MSI2: variants seen among roughly 807,000 people sequenced by gnomAD.
MSI2 encodes the protein RNA-binding protein Musashi homolog 2.
In MSI2, 17 loss-of-function variants were observed where a neutral mutation model predicts 45.6. The ratio of observed to expected loss-of-function variants is 0.37; its 90% CI spans 0.26 to 0.56. MSI2 has a LOEUF of 0.56. MSI2 is among the 20% of genes least tolerant of loss of function. The pLI, the probability that MSI2 is intolerant of heterozygous loss-of-function variation, is 0.77. For missense variants in MSI2, 293 were observed against 444.2 expected, an observed-to-expected ratio of 0.66 and a Z score of 3.06; for synonymous variants, 156 against 158.2, an observed-to-expected ratio of 0.99 and a Z score of 0.11.
At chr17:57,445,704 G>A (rs2084886748) in intron 6 of MSI2, among the ~76,000 whole-genome samples, 1 of 152,046 alleles carries the variant, frequency 6.6e-6, no homozygotes, top group Admixed American at 6.5e-5. Flanking sequence ...TTTAAGGAGG[G>A]GGCAGCATAT....
At chr17:57,622,562 C>T (rs991664905) in intron 9 of MSI2, among the ~76,000 whole-genome samples, 11 of 152,114 alleles carry the variant, frequency 7.2e-5, no homozygotes, top group African/African-American at 2.4e-4. Flanking sequence ...AGCACGTTAG[C>T]CAAAAGCATT....
intron 5 of MSI2, among the ~76,000 whole-genome samples, chr17:57,378,000 G>A (rs1201307353): frequency 6.6e-6 from 1 of 151,786 alleles, no homozygotes; most frequent in East Asian, 1.9e-4. Context: ...GCGTGAACCT[G>A]GGAGGCAGAG....
chr17:57,309,037 C>T (rs991891256), intron 5 of MSI2, among the ~76,000 whole-genome samples: 5 of 152,184 alleles, frequency 3.3e-5, no homozygotes, highest in Non-Finnish European at 7.3e-5. Flanking sequence ...ATATCACCTC[C>T]TCAGCTATTA....
chr17:57,257,422 A>G, intron 2 of MSI2, 44 bp from the exon 3 acceptor site: 1 of 1,050,208 alleles, frequency 9.5e-7, no homozygotes, highest in Non-Finnish European at 1.4e-6. Context: ...TTTTTTTTCC[A>G]CACCTTCTCT....
chr17:57,691,200 C>CTCATCTATCTATCTATCT, the MSI2 span, among the ~76,000 whole-genome samples: 14 of 140,204 alleles, frequency 1.0e-4, no homozygotes, highest in South Asian at 5.2e-4. Context: ...CTCTCTCTCT[C>CTCATCTATCTATCTATCT]ATCTATCTAT....
In MSI2 at chr17:57,623,569, C is replaced by A. The variant is rs114642163; in HGVS notation, c.653-3660C>A. Among the ~76,000 whole-genome samples, 617 of 152,308 alleles carry A rather than the reference C, an allele frequency of 4.1e-3. 2 individuals are homozygous for A. Among genetic ancestry groups the A allele is most frequent in the African/African-American group, 0.014 (586 of 41,566 alleles). On this transcript the variant is annotated intron_variant, in intron 9 of 13. Coordinates refer to ENST00000284073, the MANE Select transcript of MSI2 (RefSeq NM_138962.4). The stretch of plus-strand genomic sequence containing the variant: ...AGCCGATCTGCAAGAGAGGTGGTCA[C>A]CCTGGCAGAAGCCTTGATTTTTTTT...
intron 5 of MSI2, among the ~76,000 whole-genome samples, chr17:57,293,247 G>A (rs374648776): frequency 2.6e-5 from 4 of 152,140 alleles, no homozygotes; most frequent in Non-Finnish European, 5.9e-5. Flanking sequence ...GAGACTCAGG[G>A]CCCTACTGTT....
At chr17:57,318,041 C>T (rs372036866) in intron 5 of MSI2, among the ~76,000 whole-genome samples, 353 of 152,214 alleles carry the variant, frequency 2.3e-3, no homozygotes, top group African/African-American at 8.2e-3. Flanking sequence ...CCCAGCTACT[C>T]GGGAGGCCGA....
In MSI2 at chr17:57,627,646, T is replaced by C. The variant is rs1366801336; in HGVS notation, c.727+343T>C. 5.6e-6 allele frequency: 2 copies of C among 354,910 alleles called. No homozygotes were observed. 22.0% of individuals were successfully genotyped at this position (354,910 alleles called of 1,614,324 possible). On this transcript the variant is annotated intron_variant, in intron 10 of 13. Transcript: ENST00000284073. This position sits in a 1 kb window ranked among gnomAD's most constrained non-coding sequence, Gnocchi z 4.6. ...TGAACTCTAGGCCCAGGGCTTTCTT[T>C]CACCCTCTACCACCCCTTGCCCGCC... is the stretch of plus-strand genomic sequence containing the variant.
intron 7 of MSI2, among the ~76,000 whole-genome samples, chr17:57,574,655 A>G (rs934373699): frequency 3.5e-4 from 53 of 152,252 alleles, no homozygotes; most frequent in African/African-American, 1.3e-3. Context: ...GCGCAGCAGT[A>G]GGTGACCCTT....
chr17:57,338,871 T>A (rs1914899530), intron 5 of MSI2, among the ~76,000 whole-genome samples: 1 of 152,152 alleles, frequency 6.6e-6, no homozygotes, highest in South Asian at 2.1e-4. Flanking sequence ...TGAGTTCCCC[T>A]TTGTCTTCCT....
intron 5 of MSI2, among the ~76,000 whole-genome samples, chr17:57,366,056 G>A (rs1000305328): frequency 1.3e-5 from 2 of 152,072 alleles, no homozygotes; most frequent in African/African-American, 2.4e-5. Context: ...TGGGACCACC[G>A]TTGTGTACCA....
chr17:57,403,933 G>GCACACACA (rs58718271), intron 6 of MSI2, among the ~76,000 whole-genome samples: 16 of 149,082 alleles, frequency 1.1e-4, no homozygotes, highest in African/African-American at 2.9e-4. Flanking sequence ...GAATGAATGT[G>GCACACACA]CACACACACA....
chr17:57,474,716 G>A (rs2143709017), intron 6 of MSI2, among the ~76,000 whole-genome samples: 1 of 151,652 alleles, frequency 6.6e-6, no homozygotes. Flanking sequence ...TTTTGTTTTT[G>A]TTTTTGTTTT....
At chr17:57,687,936 T>C (rs960231245), downstream of MSI2, among the ~76,000 whole-genome samples, 1 of 152,126 alleles carries the variant, frequency 6.6e-6, no homozygotes, top group African/African-American at 2.4e-5. Flanking sequence ...ACATCTATTA[T>C]ACTAGCAAAC....
chr17:57,676,528 T>TCAAGACCC, intron 12 of MSI2, among the ~76,000 whole-genome samples: 1 of 152,368 alleles, frequency 6.6e-6, no homozygotes, highest in South Asian at 2.1e-4. Context: ...CAGACCCAAT[T>TCAAGACCC]TGTTCTTGAA....
intron 5 of MSI2, among the ~76,000 whole-genome samples, chr17:57,350,065 A>C (rs544038815): frequency 6.6e-6 from 1 of 152,342 alleles, no homozygotes; most frequent in East Asian, 1.9e-4. Flanking sequence ...TGTGAATTAT[A>C]AATGAACCAT....
intron 5 of MSI2, among the ~76,000 whole-genome samples, chr17:57,312,488 A>G (rs1251227599): frequency 1.3e-5 from 2 of 152,134 alleles, no homozygotes; most frequent in Non-Finnish European, 2.9e-5. Context: ...CTGATGAGAG[A>G]GAAAGCACCC....
At chr17:57,517,659 A>T (rs1051102989) in intron 6 of MSI2, among the ~76,000 whole-genome samples, 1 of 152,144 alleles carries the variant, frequency 6.6e-6, no homozygotes, top group African/African-American at 2.4e-5. Context: ...TCGGTTACCA[A>T]CATGCACTCC....
Sources: allele counts gnomAD v4.1 joint callset (sites outside exome capture counted in the v4.1 genomes callset), GRCh38; gene constraint gnomAD v4.1.1; non-coding constraint Gnocchi (gnomAD v3.1); transcripts MANE v1.5; gene names NCBI Gene and HGNC (gene_info 2026-07-23, HGNC 2026-07-21).